BAALC: variants seen among roughly 807,000 people sequenced by gnomAD.
BAALC encodes BAALC binder of MAP3K1 and KLF4.
A neutral mutation model predicts 15.5 loss-of-function variants in BAALC; 9 were observed. The ratio of observed to expected loss-of-function variants is 0.58; its 90% confidence interval spans 0.35 to 1.02. The LOEUF is 1.02. Among genes scored for constraint, BAALC ranks in the 50% least tolerant of loss-of-function variants. BAALC has a pLI of 0.02. For synonymous variants in BAALC, 80 were observed against 74.6 expected, an observed-to-expected ratio of 1.07 and a Z score of -0.37; for missense variants, 201 against 192.4, an observed-to-expected ratio of 1.04 and a Z score of -0.27.
At chr8:103,141,723 C>T (rs1035971549) in intron 1 of BAALC, among the ~76,000 whole-genome samples, 17 of 152,216 alleles carry the variant, frequency 1.1e-4, no homozygotes, top group African/African-American at 4.1e-4. Context: ...CTCTCCCTAC[C>T]CTATGGTGTC....
intron 2 of BAALC, among the ~76,000 whole-genome samples, chr8:103,216,872 T>C (rs763741460): frequency 5.4e-4 from 83 of 152,362 alleles, no homozygotes; most frequent in Non-Finnish European, 1.1e-3. Context: ...CTCTATAATG[T>C]TGACATTGTT....
chr8:103,183,552 G>A (rs1238047584), intron 1 of BAALC: 1 of 672,534 alleles, frequency 1.5e-6, no homozygotes, highest in African/African-American at 1.8e-5. Context: ...TATAGCTTGG[G>A]AGAGCCTCTC....
At chr8:103,145,618 C>T (rs1441921255) in intron 1 of BAALC, among the ~76,000 whole-genome samples, 1 of 152,184 alleles carries the variant, frequency 6.6e-6, no homozygotes, top group African/African-American at 2.4e-5. Context: ...TGTTTTCCTG[C>T]TGTTGTTGTT....
Position 103,140,833 on chromosome 8 carries a change from C to T in BAALC, c.-65C>T. The T allele has an allele frequency of 7.4e-7, 1 of 1,347,384 alleles. No individual in the cohort carries two copies. The highest frequency in any genetic ancestry group is 9.5e-7 in the Non-Finnish European group (1 of 1,047,392). The allele number at this position is 1,347,384 out of a possible 1,614,324, so 83.5% of individuals were successfully genotyped here. ...TCCTTGCGGGCCGGGGCTGCGCCTC[C>T]GGGGCTGAGCCGCCGCCAGAGCCGA... On this transcript the variant is annotated 5_prime_UTR_variant, in exon 1 of 3. Coordinates refer to ENST00000309982, the MANE Select transcript of BAALC (RefSeq NM_024812.3). This position sits in a 1 kb window ranked among gnomAD's most constrained non-coding sequence, Gnocchi z 4.2.
intron 1 of BAALC, among the ~76,000 whole-genome samples, chr8:103,177,179 GTT>G (rs1811624151): frequency 7.8e-6 from 1 of 127,858 alleles, no homozygotes. Flanking sequence ...TGTTGTTGTT[GTT>G]GTTGTTGTTT....
intron 2 of BAALC, among the ~76,000 whole-genome samples, chr8:103,219,971 A>G (rs1812642288): frequency 6.6e-6 from 1 of 152,132 alleles, no homozygotes; most frequent in African/African-American, 2.4e-5. Context: ...TAACCCTTAC[A>G]ACTCTAAAAG....
At chr8:103,183,418 C>T (rs1811768259) in intron 1 of BAALC, 2 of 702,996 alleles carry the variant, frequency 2.8e-6, no homozygotes, top group African/African-American at 1.7e-5. Flanking sequence ...AGTTTAGGGG[C>T]TCTGCTGGTT....
rs1298403314 is a variant in BAALC, at chr8:103,140,911, G to A, written c.14G>A (p.Gly5Glu). The A allele has an allele frequency of 1.3e-5, 20 of 1,517,028 alleles. No individual in the cohort carries two copies. Among genetic ancestry groups the A allele is most frequent in the Non-Finnish European group, 1.8e-5 (20 of 1,132,994 alleles). 94.0% of individuals were successfully genotyped at this position (1,517,028 alleles called of 1,614,324 possible). A position where few individuals can be genotyped will look rare whatever the true frequency, so the allele number is the denominator to read the frequency against. Residue 5 changes from glycine to glutamate, a missense_variant, in exon 1 of 3, where the codon GGG becomes GAG. Transcript: ENST00000309982. The surrounding 1 kb of genome is among the most constrained non-coding windows in gnomAD (Gnocchi z 4.2). ...CGGCGCAGGAGGATGGGCTGCGGCG[G>A]GAGCCGGGCGGATGCCATCGAGCCC... The part of the protein sequence containing the change: MGCG[G>E]SRADAIEPRY...
At chr8:103,194,503 G>A (rs1456780322) in intron 1 of BAALC, among the ~76,000 whole-genome samples, 3 of 152,206 alleles carry the variant, frequency 2.0e-5, no homozygotes, top group Non-Finnish European at 4.4e-5. Flanking sequence ...GATTGGGAGA[G>A]CTGAGTAAAA....
chr8:103,209,957 C>T (rs978681610), intron 1 of BAALC, among the ~76,000 whole-genome samples: 2 of 152,212 alleles, frequency 1.3e-5, no homozygotes, highest in African/African-American at 4.8e-5. Flanking sequence ...CCCTGGAATC[C>T]AGTCTGAATG....
At chr8:103,190,149 G>T (rs765340715) in intron 1 of BAALC, among the ~76,000 whole-genome samples, 1 of 152,180 alleles carries the variant, frequency 6.6e-6, no homozygotes, top group Non-Finnish European at 1.5e-5. Flanking sequence ...TGACAGAAAT[G>T]GCAGAGTCAG....
chr8:103,184,794 C>A (rs527944937), intron 1 of BAALC, among the ~76,000 whole-genome samples: 1 of 152,224 alleles, frequency 6.6e-6, no homozygotes, highest in Non-Finnish European at 1.5e-5. Context: ...TCACCCAGGG[C>A]AGAACTGGTG....
chr8:103,183,020 T>C (rs1029479280), intron 1 of BAALC, among the ~76,000 whole-genome samples: 1 of 152,206 alleles, frequency 6.6e-6, no homozygotes, highest in Non-Finnish European at 1.5e-5. Flanking sequence ...CCTTGACATA[T>C]CATGGGACAG....
intron 1 of BAALC, among the ~76,000 whole-genome samples, chr8:103,200,949 A>G (rs1241762324): frequency 6.6e-6 from 1 of 152,184 alleles, no homozygotes; most frequent in African/African-American, 2.4e-5. Flanking sequence ...GGAAAATTGC[A>G]TTAGAATACT....
intron 1 of BAALC, among the ~76,000 whole-genome samples, chr8:103,169,168 A>AC (rs1345883331): frequency 6.6e-6 from 1 of 151,476 alleles, no homozygotes. Context: ...CTTCCATCCT[A>AC]CTTTTTTGGA....
At chr8:103,150,391 G>C (rs1693625662) in intron 1 of BAALC, among the ~76,000 whole-genome samples, 1 of 151,932 alleles carries the variant, frequency 6.6e-6, no homozygotes, top group Non-Finnish European at 1.5e-5. Context: ...GTCTGTGTGT[G>C]TGTGTGTGCA....
chr8:103,171,708 G>C (rs728909), intron 1 of BAALC, among the ~76,000 whole-genome samples: 15,974 of 152,188 alleles, frequency 0.1, 938 homozygotes, highest in Non-Finnish European at 0.14. Flanking sequence ...AGAACAAAGA[G>C]AAACAATGAT....
intron 1 of BAALC, among the ~76,000 whole-genome samples, chr8:103,182,021 T>C (rs1811740363): frequency 1.3e-5 from 2 of 152,216 alleles, no homozygotes; most frequent in Non-Finnish European, 2.9e-5. Flanking sequence ...GGATTTTGGG[T>C]GAAGCACCTA....
rs1000894945 is a variant in BAALC at position 103,230,253 on chromosome 8, T to C, written c.*2154T>C. 1 of 152,226 alleles carries C rather than the reference T, an allele frequency of 6.6e-6. No homozygotes were observed. The highest frequency in any genetic ancestry group is 2.4e-5 in the African/African-American group (1 of 41,454). The allele number at this position is 152,226 out of a possible 1,614,324, so 9.4% of individuals were successfully genotyped here. A position where few individuals can be genotyped will look rare whatever the true frequency, so the allele number is the denominator to read the frequency against. ...ACTAATCCTTACTATCCTATTAGGA[T>C]ACCACTTTTCATTGCAAAGTTTGTG... is the stretch of plus-strand genomic sequence containing the variant. On this transcript the variant is annotated 3_prime_UTR_variant, in exon 3 of 3. Coordinates refer to ENST00000309982, the MANE Select transcript of BAALC (RefSeq NM_024812.3).
Sources: allele counts gnomAD v4.1 joint callset (sites outside exome capture counted in the v4.1 genomes callset), GRCh38; gene constraint gnomAD v4.1.1; non-coding constraint Gnocchi (gnomAD v3.1); transcripts MANE v1.5; gene names NCBI Gene and HGNC (gene_info 2026-07-23, HGNC 2026-07-21).